The following TECTA variants were observed in gnomAD, a reference collection of about 807,000 sequenced individuals.
TECTA encodes the protein tectorin alpha.
In TECTA, 128 loss-of-function variants were observed where a neutral mutation model predicts 216.8. The ratio of observed to expected loss-of-function variants is 0.59; its 90% confidence interval spans 0.51 to 0.68. TECTA has a LOEUF of 0.68. Ranked by LOEUF, TECTA falls within the 30% of genes least tolerant of loss-of-function variation. The pLI is 0.00. For synonymous variants in TECTA, 1,089 were observed against 1,117.1 expected, an observed-to-expected ratio of 0.97 and a Z score of 0.50; for missense variants, 2,551 against 2,786.2, an observed-to-expected ratio of 0.92 and a Z score of 1.90.
In TECTA at chr11:121,168,710, C is replaced by T; in HGVS notation, c.5784C>T (p.Gly1928=). The change falls in exon 20 of 24, where the codon GGC becomes GGT. Residue 1928 remains glycine, a synonymous_variant. Transcript: ENST00000392793. Reference sequence around the variant, plus strand: ...ACCTGACAGTTCCAACCCAAGAAGGCAGCTTCATCACCAAGATGGCTCTCT... The same window carrying T: ...ACCTGACAGTTCCAACCCAAGAAGGTAGCTTCATCACCAAGATGGCTCTCT... ...VINLTVPTQE[G]SFITKMALYK... 6.2e-7 allele frequency: 1 copy of T among 1,614,164 alleles called. No individual in the cohort carries two copies. The highest frequency in any genetic ancestry group is 8.5e-7 in the Non-Finnish European group (1 of 1,180,000).
At chr11:121,125,165 C>A (rs2135076956) in intron 7 of TECTA, 137 bp from the exon 8 acceptor site, 7 of 881,448 alleles carry the variant, frequency 7.9e-6, no homozygotes, top group Middle Eastern at 6.6e-4. Context: ...CAGAGGGAAG[C>A]CCACTGGAGC....
At position 121,129,756 on chromosome 11, in the gene TECTA, A is replaced by T; in HGVS notation, c.2486A>T (p.Asp829Val). Residue 829 changes from aspartate (D) to valine (V), a missense_variant, in exon 10 of 24, where the codon GAC (aspartate) becomes GTC (valine). Around this residue, in one of 3 missense-constraint regions of TECTA, gnomAD observed 2,375 missense variants for 2,563.9 expected, o/e 0.93. Coordinates refer to ENST00000392793, the MANE Select transcript of TECTA (RefSeq NM_005422.4). Reference sequence around the variant, plus strand: ...GGCGTGGTGACTGTCCAGTACTCAGACATAGGTCTATTGTACATCCGGCTG... The same window carrying T: ...GGCGTGGTGACTGTCCAGTACTCAGTCATAGGTCTATTGTACATCCGGCTG... ...SKGVVTVQYSDIGLLYIRLST... is the reference protein window; with the variant it reads ...SKGVVTVQYSVIGLLYIRLST... The T allele has an allele frequency of 3.1e-6, 5 of 1,614,228 alleles. No homozygotes were observed. Among genetic ancestry groups the T allele is most frequent in the Non-Finnish European group, 4.2e-6 (5 of 1,180,042 alleles).
In TECTA at chr11:121,162,232, C is replaced by T; in HGVS notation, c.5134C>T (p.Pro1712Ser). 1.2e-6 allele frequency: 2 copies of T among 1,614,190 alleles called. No homozygotes were observed. Among genetic ancestry groups the T allele is most frequent in the Non-Finnish European group, 1.7e-6 (2 of 1,180,054 alleles). The change falls in exon 16 of 24, where the codon CCA (proline) becomes TCA (serine). Residue 1712 changes from proline (P) to serine (S), a missense_variant. This residue lies in a region of TECTA where 2,375 missense variants were observed against 2,563.9 expected (regional missense o/e 0.93). Transcript: ENST00000392793. ...QPCYGLLDPL[P>S]FYESCYLDGC... is the part of the protein sequence containing the mutation. ...CTGCTATGGGCTTCTCGATCCCCTC[C>T]CATTCTACGAGTCCTGCTACCTGGA...
At position 121,111,443 on chromosome 11, in the gene TECTA, G is replaced by A. The variant is rs73599489; in HGVS notation, c.487-1629G>A. Among the ~76,000 whole-genome samples the A allele has an allele frequency of 6.0e-3, 915 of 152,324 alleles. 11 individuals are homozygous for A. The highest frequency in any genetic ancestry group is 0.021 in the African/African-American group (861 of 41,568). On this transcript the variant is annotated intron_variant, in intron 4 of 23. Coordinates refer to ENST00000392793, the MANE Select transcript of TECTA (RefSeq NM_005422.4). ...GAAGCAAAAAAGATTTTTTTATCCA[G>A]AAGAGTCTTGGAATGAACGTTGAAG... is the stretch of plus-strand genomic sequence containing the variant.
chr11:121,129,856 C>T lies in TECTA; in HGVS notation c.2586C>T (p.Leu862=). Residue 862 remains leucine (L), a synonymous_variant, in exon 10 of 24, where the codon CTC becomes CTT. Transcript: ENST00000392793. ...YNANASDEFC[L]PNGKCTDNLA... ...CCAACGCCAGTGACGAGTTCTGTCTCCCCAACGGCAAGTGCACGGACAACC... is the reference window on the plus strand; with the variant it reads ...CCAACGCCAGTGACGAGTTCTGTCTTCCCAACGGCAAGTGCACGGACAACC... 6.2e-7 allele frequency: 1 copy of T among 1,614,218 alleles called. No homozygotes were observed.
intron 6 of TECTA, among the ~76,000 whole-genome samples, chr11:121,115,583 G>T (rs955936109): frequency 2.6e-5 from 4 of 152,186 alleles, no homozygotes; most frequent in Non-Finnish European, 5.9e-5. Context: ...AGCTTGGACT[G>T]CTTGTCTTGG....
chr11:121,110,486 C>T (rs592529), intron 4 of TECTA: 64,088 of 152,086 alleles, frequency 0.42, 14,109 homozygotes, highest in Non-Finnish European at 0.5. Context: ...TTTAGCACCT[C>T]CTAGCCAGAG....
rs2282565 is a variant in TECTA, at chr11:121,130,330, T to C, written c.2941+119T>C. The C allele has an allele frequency of 0.085, 95,792 of 1,123,592 alleles. 4,490 individuals carry two copies. The highest frequency in any genetic ancestry group is 0.13 in the South Asian group (8,417 of 65,776). 69.6% of individuals were successfully genotyped at this position (1,123,592 alleles called of 1,614,324 possible). A position where few individuals can be genotyped will look rare whatever the true frequency, so the allele number is the denominator to read the frequency against. On this transcript the variant is annotated intron_variant, in intron 10 of 23. Transcript: ENST00000392793. The stretch of plus-strand genomic sequence containing the variant: ...AGCTCAAGGGTGATGTTAATTACTG[T>C]GTATACCTACCCTAGTCTGATGTGT...
At chr11:121,148,435 G>T (rs886674805) in intron 12 of TECTA, among the ~76,000 whole-genome samples, 6 of 152,150 alleles carry the variant, frequency 3.9e-5, no homozygotes, top group Non-Finnish European at 8.8e-5. Context: ...TGGTATGGGG[G>T]TCAGGCTGGG....
chr11:121,121,285 C>T (rs979876646), intron 7 of TECTA, among the ~76,000 whole-genome samples: 2 of 152,202 alleles, frequency 1.3e-5, no homozygotes, highest in Admixed American at 6.5e-5. Flanking sequence ...CTTTCAGTTC[C>T]AAGACCTGTG....
At chr11:121,178,516 T>TTGTGTGTGTG (rs1947192259) in intron 20 of TECTA, among the ~76,000 whole-genome samples, 2 of 59,990 alleles carry the variant, frequency 3.3e-5, no homozygotes, top group Non-Finnish European at 6.9e-5. Context: ...GGCTTGTAGT[T>TTGTGTGTGTG]AGTGTGTGTG....
chr11:121,122,163 A>G (rs1001755061), intron 7 of TECTA, among the ~76,000 whole-genome samples: 3 of 152,154 alleles, frequency 2.0e-5, no homozygotes, highest in Non-Finnish European at 4.4e-5. Flanking sequence ...TCCCCTCAAA[A>G]TTCATATGTT....
intron 7 of TECTA, 121 bp downstream of exon 7, chr11:121,118,839 C>T: frequency 7.7e-7 from 1 of 1,294,626 alleles, no homozygotes; most frequent in Non-Finnish European, 1.1e-6. Flanking sequence ...AAGAGATGCA[C>T]AGCTCTCCCC....
intron 10 of TECTA, among the ~76,000 whole-genome samples, chr11:121,132,448 A>G (rs1334255105): frequency 6.6e-6 from 1 of 152,144 alleles, no homozygotes; most frequent in African/African-American, 2.4e-5. Context: ...CATTTCTCCA[A>G]GGATCTCTGG....
At chr11:121,147,428 T>C (rs1416698425) in intron 12 of TECTA, among the ~76,000 whole-genome samples, 1 of 152,146 alleles carries the variant, frequency 6.6e-6, no homozygotes, top group Non-Finnish European at 1.5e-5. Flanking sequence ...GGGGAACAGA[T>C]GCCATCCCAT....
chr11:121,143,280 C>T (rs1418076386), intron 11 of TECTA, among the ~76,000 whole-genome samples: 1 of 152,198 alleles, frequency 6.6e-6, no homozygotes, highest in Non-Finnish European at 1.5e-5. Flanking sequence ...ACACTCTATG[C>T]CCCAGCAGCA....
chr11:121,156,075 C>G (rs142742758), intron 13 of TECTA, among the ~76,000 whole-genome samples: 1 of 152,324 alleles, frequency 6.6e-6, no homozygotes, highest in East Asian at 1.9e-4. Context: ...ATAGCAGCTT[C>G]TATTTCTTGA....
intron 6 of TECTA, among the ~76,000 whole-genome samples, chr11:121,117,435 T>A (rs1348623627): frequency 6.6e-6 from 1 of 152,196 alleles, no homozygotes; most frequent in East Asian, 1.9e-4. Flanking sequence ...AAGGTTGATG[T>A]TAGCAACCAG....
chr11:121,109,346 T>C lies in TECTA; in HGVS notation c.334T>C (p.Tyr112His), dbSNP rs749856179. The C allele has an allele frequency of 6.2e-7, 1 of 1,614,192 alleles. No individual in the cohort carries two copies. The highest frequency in any genetic ancestry group is 1.1e-5 in the South Asian group (1 of 91,074). Residue 112 changes from tyrosine (Y) to histidine (H), a missense_variant, in exon 4 of 24, where the codon TAT becomes CAT. Coordinates refer to ENST00000392793, the MANE Select transcript of TECTA (RefSeq NM_005422.4). ...GCACAATGGAATTCGAGGCGAGATC[T>C]ATTACAGAGAGACCATGGAGCCTGC... ...DVHNGIRGEIYYRETMEPAIL... is the reference protein window; with the variant it reads ...DVHNGIRGEIHYRETMEPAIL...
Sources: allele counts gnomAD v4.1 joint callset (sites outside exome capture counted in the v4.1 genomes callset), GRCh38; gene constraint gnomAD v4.1.1; regional missense constraint gnomAD v4.1.1; transcripts MANE v1.5; gene names NCBI Gene and HGNC (gene_info 2026-07-23, HGNC 2026-07-21).